The following NCAPD2 variants were observed in gnomAD, a reference collection of about 807,000 sequenced individuals.
NCAPD2 encodes condensin complex subunit 1.
NCAPD2 carries 100 observed loss-of-function variants against 164.5 expected under a neutral mutation model. The observed-to-expected ratio is 0.61, with a 90% CI of 0.52 to 0.72. NCAPD2 has a LOEUF of 0.72. Among genes scored for constraint, NCAPD2 ranks in the 30% least tolerant of loss-of-function variants. NCAPD2 has a pLI of 0.00. For missense variants in NCAPD2, 1,560 were observed against 1,749.2 expected (o/e 0.89, Z 1.93); for synonymous variants, 585 against 642.6 (o/e 0.91, Z 1.36).
At chr12:6,522,769 G>A (rs779763144) in intron 15 of NCAPD2, 59 bp from the exon 16 acceptor site, 27 of 1,573,314 alleles carry the variant, frequency 1.7e-5, no homozygotes, top group East Asian at 1.4e-4. Flanking sequence ...AGGTTCTGTC[G>A]TTAGGTATTG....
Position 6,528,573 on chromosome 12 carries a change from G to C in NCAPD2, c.3300-106G>C. ...CTAGACAGCTTTCTGACTGCTTCTGGAGTGGCAGAGCATGGGATAATTGAT... is the reference window on the plus strand; with the variant it reads ...CTAGACAGCTTTCTGACTGCTTCTGCAGTGGCAGAGCATGGGATAATTGAT... On this transcript the variant is annotated intron_variant, in intron 25 of 31. Coordinates refer to ENST00000315579, the MANE Select transcript of NCAPD2 (RefSeq NM_014865.4). The surrounding 1 kb of genome is among the most constrained non-coding windows in gnomAD (Gnocchi z 5.1). 7.5e-7 allele frequency: 1 copy of C among 1,334,488 alleles called. No individual in the cohort carries two copies. The highest frequency in any genetic ancestry group is 1.0e-6 in the Non-Finnish European group (1 of 964,836). The allele number at this position is 1,334,488 out of a possible 1,614,324, so 82.7% of individuals were successfully genotyped here.
intron 2 of NCAPD2, 139 bp from the exon 3 acceptor site, chr12:6,509,578 G>T: frequency 1.2e-6 from 1 of 828,876 alleles, no homozygotes; most frequent in East Asian, 2.6e-5. Context: ...GTCATTATAG[G>T]TTACATTGAA....
intron 2 of NCAPD2, among the ~76,000 whole-genome samples, chr12:6,500,671 C>A (rs536679967): frequency 2.3e-4 from 35 of 152,154 alleles, no homozygotes; most frequent in Non-Finnish European, 4.9e-4. Flanking sequence ...TAAGAAGATT[C>A]CCCCAGGCAA....
intron 6 of NCAPD2, among the ~76,000 whole-genome samples, chr12:6,512,031 C>T (rs1398098625): frequency 1.3e-5 from 2 of 151,688 alleles, no homozygotes. Flanking sequence ...CCTGTAATCC[C>T]AGCACTTTGG....
chr12:6,506,734 A>T (rs1946103345), intron 2 of NCAPD2, among the ~76,000 whole-genome samples: 1 of 152,154 alleles, frequency 6.6e-6, no homozygotes, highest in African/African-American at 2.4e-5. Flanking sequence ...TGTTCTAGCT[A>T]CTCAGGAGGC....
At chr12:6,521,179 T>C in intron 14 of NCAPD2, 69 bp downstream of exon 14, 2 of 1,566,916 alleles carry the variant, frequency 1.3e-6, no homozygotes, top group South Asian at 2.3e-5. Context: ...ATTAACTTTA[T>C]GCCATCATTG....
At chr12:6,503,767 T>C (rs867669220) in intron 2 of NCAPD2, among the ~76,000 whole-genome samples, 1 of 110,026 alleles carries the variant, frequency 9.1e-6, no homozygotes, top group East Asian at 2.1e-4. Flanking sequence ...CGAGACTCCA[T>C]CTATTTTTTT....
chr12:6,521,951 A>G lies in NCAPD2; in HGVS notation c.1868A>G (p.Tyr623Cys). The G allele has an allele frequency of 6.2e-7, 1 of 1,614,190 alleles. No homozygotes were observed. Among genetic ancestry groups the G allele is most frequent in the South Asian group, 1.1e-5 (1 of 91,088 alleles). ...ELVKQEMLVQ[Y>C]LQDAYSFSRK... is the part of the protein sequence containing the mutation. ...GTGAAGCAGGAGATGCTGGTACAGT[A>G]TCTGCAGGATGCCTACAGCTTCTCC... Residue 623 changes from tyrosine (Y) to cysteine (C), a missense_variant, in exon 15 of 32, where the codon TAT becomes TGT. Physicochemically the swap from Tyr to Cys is radical, Grantham distance 194. Coordinates refer to ENST00000315579, the MANE Select transcript of NCAPD2 (RefSeq NM_014865.4).
At position 6,511,261 on chromosome 12, in the gene NCAPD2, G is replaced by A; in HGVS notation, c.587+9G>A. ...GAAGAAGAATTTGTCAGGTGGGTAG[G>A]GAGGATGGCTACAGATAATACTGAG... On this transcript the variant is annotated intron_variant, in intron 6 of 31. Coordinates refer to ENST00000315579, the MANE Select transcript of NCAPD2 (RefSeq NM_014865.4). 1 of 1,614,002 alleles carries A rather than the reference G, an allele frequency of 6.2e-7. No individual in the cohort carries two copies. Among genetic ancestry groups the A allele is most frequent in the South Asian group, 1.1e-5 (1 of 91,052 alleles).
At chr12:6,509,135 C>T (rs922334064) in intron 2 of NCAPD2, among the ~76,000 whole-genome samples, 2 of 151,238 alleles carry the variant, frequency 1.3e-5, no homozygotes, top group African/African-American at 4.9e-5. Context: ...GTAAGTTGGA[C>T]AAGTCATATA....
Position 6,531,503 on chromosome 12 carries a change from C to T in NCAPD2, c.*91C>T. Reference sequence around the variant, plus strand: ...TCCCTTGTAAAATATTTGTCTGTCTCTTTTTTTTAAAAAAAAAAAAGGCCG... The same window carrying T: ...TCCCTTGTAAAATATTTGTCTGTCTTTTTTTTTTAAAAAAAAAAAAGGCCG... On this transcript the variant is annotated 3_prime_UTR_variant, in exon 32 of 32. Coordinates refer to ENST00000315579, the MANE Select transcript of NCAPD2 (RefSeq NM_014865.4). The surrounding 1 kb of genome is among the most constrained non-coding windows in gnomAD (Gnocchi z 4.1). 2 of 1,313,692 alleles carry T rather than the reference C, an allele frequency of 1.5e-6. No homozygotes were observed. The highest frequency in any genetic ancestry group is 2.0e-6 in the Non-Finnish European group (2 of 987,388). The allele number at this position is 1,313,692 out of a possible 1,614,324, so 81.4% of individuals were successfully genotyped here. A position where few individuals can be genotyped will look rare whatever the true frequency, so the allele number is the denominator to read the frequency against.
intron 4 of NCAPD2, chr12:6,510,381 C>G (rs1198340382): frequency 1.3e-6 from 1 of 781,068 alleles, no homozygotes; most frequent in African/African-American, 1.7e-5. Flanking sequence ...TTTGAGCTAC[C>G]TCTTTTTAAT....
intron 13 of NCAPD2, among the ~76,000 whole-genome samples, chr12:6,518,516 T>TTGTTTTTTG: frequency 9.1e-6 from 1 of 110,402 alleles, no homozygotes; most frequent in African/African-American, 3.8e-5. Context: ...TTTTTTTTTT[T>TTGTTTTTTG]TTTTTTTTTT....
chr12:6,529,588 A>G lies in NCAPD2; in HGVS notation c.3648A>G (p.Thr1216=), dbSNP rs1336913111. 2 of 1,614,188 alleles carry G rather than the reference A, an allele frequency of 1.2e-6. No homozygotes were observed. The highest frequency in any genetic ancestry group is 1.7e-6 in the Non-Finnish European group (2 of 1,180,012). Reference sequence around the variant, plus strand: ...AAAAGCTGTGTCAGCGGTTCCGCACATCCCGGTATGCTGCCCTCCCTGAGG... The same window carrying G: ...AAAAGCTGTGTCAGCGGTTCCGCACGTCCCGGTATGCTGCCCTCCCTGAGG... The part of the protein sequence containing the change: ...LVEKLCQRFR[T]SRTERQQRDL... Residue 1216 remains threonine (T), a synonymous_variant, in exon 28 of 32, where the codon ACA becomes ACG. Transcript: ENST00000315579.
chr12:6,513,586 G>A (rs985395028), intron 6 of NCAPD2, among the ~76,000 whole-genome samples: 22 of 152,068 alleles, frequency 1.4e-4, no homozygotes, highest in Non-Finnish European at 2.6e-4. Context: ...TCCTGGAAGC[G>A]AGATAAAGCA....
At chr12:6,504,588 C>T (rs1469608315) in intron 2 of NCAPD2, among the ~76,000 whole-genome samples, 2 of 152,032 alleles carry the variant, frequency 1.3e-5, no homozygotes. Flanking sequence ...GATGGGGTTT[C>T]ACCATGTTGG....
chr12:6,505,348 G>T (rs987226631), intron 2 of NCAPD2, among the ~76,000 whole-genome samples: 1 of 152,200 alleles, frequency 6.6e-6, no homozygotes, highest in Non-Finnish European at 1.5e-5. Context: ...TTACAGGTGT[G>T]AGCCAGCGTG....
At chr12:6,496,627 G>A (rs1226789639) in intron 2 of NCAPD2, among the ~76,000 whole-genome samples, 3 of 151,660 alleles carry the variant, frequency 2.0e-5, no homozygotes, top group African/African-American at 7.3e-5. Flanking sequence ...GTCTCCCTAT[G>A]TTGCCCAGGC....
At position 6,528,782 on chromosome 12, in the gene NCAPD2, G is replaced by A; in HGVS notation, c.3403G>A (p.Ala1135Thr). 3.1e-6 allele frequency: 5 copies of A among 1,614,152 alleles called. No homozygotes were observed. Among genetic ancestry groups the A allele is most frequent in the Non-Finnish European group, 4.2e-6 (5 of 1,180,022 alleles). The change falls in exon 26 of 32, where the codon GCG becomes ACG. Residue 1135 changes from alanine (A) to threonine (T), a missense_variant. Physicochemically the swap from Ala to Thr is moderately conservative, Grantham distance 58. Transcript: ENST00000315579. This position sits in a 1 kb window ranked among gnomAD's most constrained non-coding sequence, Gnocchi z 5.1. ...VKVKGQVSEM[A>T]VLLIDPEPQI... ...GGTGAAGGGGCAGGTCAGCGAGATG[G>A]CGGTGCTGCTCATCGACCCCGAGCC...
Sources: gnomAD v4.1 joint callset for allele counts (sites outside exome capture counted in the v4.1 genomes callset) on GRCh38, gnomAD v4.1.1 for gene constraint, Gnocchi (gnomAD v3.1) non-coding constraint, MANE v1.5 for transcripts, NCBI Gene and HGNC (gene_info 2026-07-23, HGNC 2026-07-21) for gene names.